The following EPHA6 variants were observed in gnomAD, a reference collection of about 807,000 sequenced individuals.
EPHA6 encodes EPH receptor A6.
EPHA6 carries 50 observed loss-of-function variants against 112.0 expected under a neutral mutation model. The observed-to-expected ratio is 0.45, with a 90% confidence interval of 0.36 to 0.56. EPHA6 has a LOEUF of 0.56. Ranked by LOEUF, EPHA6 falls within the 20% of genes least tolerant of loss-of-function variation. The probability of loss-of-function intolerance (pLI) is 0.00; values close to 1 mark genes in which losing one functional copy is unlikely to be tolerated. For synonymous variants in EPHA6, 529 were observed against 490.7 expected, an observed-to-expected ratio of 1.08 and a Z score of -1.03; for missense variants, 1,280 against 1,417.4, an observed-to-expected ratio of 0.90 and a Z score of 1.56.
intron 6 of EPHA6, among the ~76,000 whole-genome samples, chr3:97,426,723 C>G (rs1438330387): frequency 1.3e-5 from 2 of 152,054 alleles, no homozygotes; most frequent in Non-Finnish European, 2.9e-5. Flanking sequence ...AGAGCTCCTG[C>G]CAACCAAAAG....
chr3:97,458,556 A>G (rs1336437006), intron 7 of EPHA6, among the ~76,000 whole-genome samples: 1 of 152,178 alleles, frequency 6.6e-6, no homozygotes, highest in Non-Finnish European at 1.5e-5. Context: ...ATATGTACAT[A>G]TATACACACA....
At chr3:97,690,739 A>T (rs2032609015) in intron 14 of EPHA6, among the ~76,000 whole-genome samples, 1 of 152,178 alleles carries the variant, frequency 6.6e-6, no homozygotes, top group Non-Finnish European at 1.5e-5. Context: ...AAGTGCTGGG[A>T]TTACAGGTGT....
At chr3:97,104,409 G>GT (rs575353661) in intron 3 of EPHA6, among the ~76,000 whole-genome samples, 2 of 151,878 alleles carry the variant, frequency 1.3e-5, no homozygotes, top group Non-Finnish European at 2.9e-5. Flanking sequence ...TAATCATGTG[G>GT]TTTTTTTCTT....
At chr3:97,325,913 A>G (rs978570090) in intron 5 of EPHA6, among the ~76,000 whole-genome samples, 15 of 152,080 alleles carry the variant, frequency 9.9e-5, no homozygotes, top group African/African-American at 3.1e-4. Context: ...TACTCTGCTT[A>G]TTAAAAAGGT....
At chr3:97,100,405 A>G (rs1302108906) in intron 3 of EPHA6, among the ~76,000 whole-genome samples, 2 of 150,110 alleles carry the variant, frequency 1.3e-5, no homozygotes, top group African/African-American at 4.9e-5. Context: ...TAACAATCAT[A>G]TTTTGAGTGT....
At chr3:97,452,092 G>A (rs577561360) in intron 7 of EPHA6, among the ~76,000 whole-genome samples, 2 of 151,972 alleles carry the variant, frequency 1.3e-5, no homozygotes, top group East Asian at 1.9e-4. Context: ...AAATCATAAT[G>A]TTCTTGACTG....
At chr3:97,554,168 A>C (rs2093069512) in intron 11 of EPHA6, among the ~76,000 whole-genome samples, 1 of 151,942 alleles carries the variant, frequency 6.6e-6, no homozygotes, top group Non-Finnish European at 1.5e-5. Context: ...TCTTTTTCTT[A>C]ACTTCTATTT....
At chr3:97,188,404 T>C (rs974827360) in intron 3 of EPHA6, among the ~76,000 whole-genome samples, 5 of 152,014 alleles carry the variant, frequency 3.3e-5, no homozygotes, top group Non-Finnish European at 7.4e-5. Context: ...ATATATTATT[T>C]ATTTACGTAT....
At chr3:97,421,749 A>G (rs1037448943) in intron 6 of EPHA6, among the ~76,000 whole-genome samples, 40 of 152,306 alleles carry the variant, frequency 2.6e-4, no homozygotes, top group African/African-American at 8.7e-4. Context: ...AGTGCATAAC[A>G]TTGTTGCACA....
intron 5 of EPHA6, among the ~76,000 whole-genome samples, chr3:97,274,106 G>A (rs1036924090): frequency 2.6e-5 from 4 of 152,132 alleles, no homozygotes; most frequent in Non-Finnish European, 5.9e-5. Context: ...GCAGGCTAGC[G>A]GCTTATAACC....
At chr3:97,746,386 T>C (rs887514588) in intron 16 of EPHA6, among the ~76,000 whole-genome samples, 27 of 151,914 alleles carry the variant, frequency 1.8e-4, no homozygotes, top group Middle Eastern at 3.4e-3. Flanking sequence ...ATAAAAGCAC[T>C]TTTACCACCA....
intron 14 of EPHA6, among the ~76,000 whole-genome samples, chr3:97,678,454 G>A (rs1362401970): frequency 6.6e-6 from 1 of 152,120 alleles, no homozygotes; most frequent in Non-Finnish European, 1.5e-5. Flanking sequence ...GCTTCCTGTG[G>A]TGAATGACAG....
chr3:96,821,052 G>A (rs1160621760), intron 1 of EPHA6, among the ~76,000 whole-genome samples: 1 of 151,786 alleles, frequency 6.6e-6, no homozygotes, highest in Non-Finnish European at 1.5e-5. Context: ...TTTAAATGAA[G>A]AAATGTTCAG....
At chr3:97,160,187 A>G (rs1361065624) in intron 3 of EPHA6, among the ~76,000 whole-genome samples, 3 of 152,124 alleles carry the variant, frequency 2.0e-5, no homozygotes, top group Non-Finnish European at 4.4e-5. Context: ...ACTGGTATCT[A>G]CAGAACAGGT....
intron 6 of EPHA6, among the ~76,000 whole-genome samples, chr3:97,406,440 A>C (rs1385355246): frequency 2.0e-5 from 3 of 152,126 alleles, no homozygotes; most frequent in African/African-American, 7.2e-5. Context: ...TTACTTCTGC[A>C]ATATGAAACC....
chr3:97,299,226 T>TGTGTGTGTGTGTAGTGGGGA (rs2080998020), intron 5 of EPHA6, among the ~76,000 whole-genome samples: 2 of 151,430 alleles, frequency 1.3e-5, no homozygotes, highest in Admixed American at 1.3e-4. Context: ...GGGGAGTGTG[T>TGTGTGTGTGTGTAGTGGGGA]GTGTGTGTGT....
rs116344624 is a variant in EPHA6 at position 97,581,694 on chromosome 3, G to T, written c.2387-10918G>T. On this transcript the variant is annotated intron_variant, in intron 11 of 17. Transcript: ENST00000389672. ...GAGGCTCGGGGAGTTTAAGTGACTT[G>T]CATAAGGTCATGCAGCAAGCTATGC... 7.9e-3 allele frequency among the ~76,000 whole-genome samples: 1,205 copies of T among 152,344 alleles called. 18 individuals carry two copies. Among genetic ancestry groups the T allele is most frequent in the African/African-American group, 0.028 (1,153 of 41,588 alleles).
chr3:97,560,049 A>T (rs1416262947), intron 11 of EPHA6, among the ~76,000 whole-genome samples: 1 of 151,900 alleles, frequency 6.6e-6, no homozygotes, highest in Admixed American at 6.6e-5. Flanking sequence ...AAAAGAAAAA[A>T]ATCCCAGCCA....
intron 3 of EPHA6, among the ~76,000 whole-genome samples, chr3:97,015,147 A>T (rs575457845): frequency 6.6e-6 from 1 of 152,276 alleles, no homozygotes; most frequent in African/African-American, 2.4e-5. Flanking sequence ...TGTAAATTGA[A>T]ATTAGGAGTA....
Sources: gnomAD v4.1 joint callset for allele counts (sites outside exome capture counted in the v4.1 genomes callset) on GRCh38, gnomAD v4.1.1 for gene constraint, MANE v1.5 for transcripts, NCBI Gene and HGNC (gene_info 2026-07-23, HGNC 2026-07-21) for gene names.